The following KHDRBS3 variants were observed in gnomAD, a reference collection of about 807,000 sequenced individuals.
The protein encoded by KHDRBS3 is KH domain-containing, RNA-binding, signal transduction-associated protein 3.
A neutral mutation model predicts 45.6 loss-of-function variants in KHDRBS3; 23 were observed. The observed-to-expected ratio is 0.50, with a 90% CI of 0.36 to 0.72. KHDRBS3 has a LOEUF of 0.72. Among genes scored for constraint, KHDRBS3 ranks in the 30% least tolerant of loss-of-function variants. The pLI is 0.00. For synonymous variants in KHDRBS3, 162 were observed against 156.5 expected, an observed-to-expected ratio of 1.04 and a Z score of -0.26; for missense variants, 352 against 424.8, an observed-to-expected ratio of 0.83 and a Z score of 1.51.
At chr8:135,518,300 A>G (rs909522750) in intron 1 of KHDRBS3, among the ~76,000 whole-genome samples, 2 of 151,962 alleles carry the variant, frequency 1.3e-5, no homozygotes, top group Non-Finnish European at 2.9e-5. Flanking sequence ...CAGCCTCCCC[A>G]GTAGCTGGAC....
chr8:135,553,788 A>C (rs778849185), intron 4 of KHDRBS3, among the ~76,000 whole-genome samples: 1 of 152,198 alleles, frequency 6.6e-6, no homozygotes, highest in South Asian at 2.1e-4. Flanking sequence ...TCCTGCTTAC[A>C]CATATTTACT....
chr8:135,655,278 C>T (rs1395523112), intron 4 of KHDRBS3, among the ~76,000 whole-genome samples: 6 of 152,166 alleles, frequency 3.9e-5, no homozygotes, highest in African/African-American at 7.2e-5. Context: ...GTGTCCCTGG[C>T]ACTCTGCAGC....
At chr8:135,646,872 C>T in intron 8 of KHDRBS3, 121 bp from the exon 9 acceptor site, 4 of 578,302 alleles carry the variant, frequency 6.9e-6, no homozygotes, top group Admixed American at 2.9e-5. Context: ...TTCAGTACAC[C>T]AGGGGTATAT....
chr8:135,463,375 A>G (rs1358445993), intron 1 of KHDRBS3, among the ~76,000 whole-genome samples: 1 of 152,128 alleles, frequency 6.6e-6, no homozygotes, highest in African/African-American at 2.4e-5. Flanking sequence ...GGATGAAGTC[A>G]ACAGTTCTGC....
chr8:135,595,433 A>G (rs1464320139), intron 6 of KHDRBS3, among the ~76,000 whole-genome samples: 1 of 152,226 alleles, frequency 6.6e-6, no homozygotes, highest in Admixed American at 6.5e-5. Flanking sequence ...TGATTAGACT[A>G]AATAGACCAG....
chr8:135,639,209 G>A (rs1341029945), intron 7 of KHDRBS3, among the ~76,000 whole-genome samples: 3 of 152,180 alleles, frequency 2.0e-5, no homozygotes, highest in Non-Finnish European at 2.9e-5. Flanking sequence ...TGGTGATTGC[G>A]ATGAAGTTGA....
intron 4 of KHDRBS3, among the ~76,000 whole-genome samples, chr8:135,653,032 G>GT (rs1464963554): frequency 1.3e-5 from 2 of 152,288 alleles, no homozygotes; most frequent in African/African-American, 4.8e-5. Context: ...TGTCCTGTGT[G>GT]TTTATCTCAT....
intron 1 of KHDRBS3, among the ~76,000 whole-genome samples, chr8:135,493,615 T>C (rs1823268694): frequency 6.6e-6 from 1 of 152,192 alleles, no homozygotes; most frequent in African/African-American, 2.4e-5. Context: ...GTTAAGCCAG[T>C]CATCTACTTG....
intron 4 of KHDRBS3, among the ~76,000 whole-genome samples, chr8:135,554,006 T>G (rs1826749453): frequency 6.6e-6 from 1 of 152,206 alleles, no homozygotes; most frequent in Admixed American, 6.5e-5. Context: ...CTATAATGGT[T>G]ATATCAACAG....
At chr8:135,598,352 G>C (rs1221931035) in intron 6 of KHDRBS3, among the ~76,000 whole-genome samples, 1 of 152,044 alleles carries the variant, frequency 6.6e-6, no homozygotes, top group African/African-American at 2.4e-5. Flanking sequence ...ACAACCACTG[G>C]TAACAACCAG....
intron 7 of KHDRBS3, among the ~76,000 whole-genome samples, chr8:135,610,813 G>T (rs1364727508): frequency 6.6e-6 from 1 of 151,790 alleles, no homozygotes; most frequent in African/African-American, 2.4e-5. Context: ...ACACATAATT[G>T]TGTAGGGCTG....
chr8:135,482,364 G>T (rs10090665), intron 1 of KHDRBS3, among the ~76,000 whole-genome samples: 19,304 of 91,208 alleles, frequency 0.21, 2,566 homozygotes, highest in African/African-American at 0.47. Flanking sequence ...TCCCAGTGTT[G>T]CCCTGGGAAA....
At chr8:135,508,499 C>G (rs1169001781) in intron 1 of KHDRBS3, among the ~76,000 whole-genome samples, 2 of 152,108 alleles carry the variant, frequency 1.3e-5, no homozygotes, top group Admixed American at 1.3e-4. Context: ...TAATTGGTGA[C>G]CTCTGGAGCC....
chr8:135,477,415 T>A (rs1822346593), intron 1 of KHDRBS3, among the ~76,000 whole-genome samples: 1 of 152,166 alleles, frequency 6.6e-6, no homozygotes, highest in Non-Finnish European at 1.5e-5. Flanking sequence ...CATAAAATAT[T>A]GGAAAAATGT....
intron 6 of KHDRBS3, among the ~76,000 whole-genome samples, chr8:135,589,829 C>T (rs915116252): frequency 6.6e-6 from 1 of 152,198 alleles, no homozygotes; most frequent in African/African-American, 2.4e-5. Context: ...TTTGTCAACG[C>T]CAACTAATTC....
At chr8:135,507,500 C>CA (rs1422353674) in intron 1 of KHDRBS3, among the ~76,000 whole-genome samples, 1 of 152,026 alleles carries the variant, frequency 6.6e-6, no homozygotes, top group African/African-American at 2.4e-5. Flanking sequence ...GGTCGAAGGA[C>CA]AAAATGAAAA....
chr8:135,459,024 A>T, intron 1 of KHDRBS3: 2 of 454,168 alleles, frequency 4.4e-6, no homozygotes, highest in East Asian at 7.0e-5. Context: ...AAATGGCAGC[A>T]ACATGATCTG....
At chr8:135,566,030 A>G (rs763023681) in intron 5 of KHDRBS3, among the ~76,000 whole-genome samples, 3 of 152,216 alleles carry the variant, frequency 2.0e-5, no homozygotes, top group Non-Finnish European at 4.4e-5. Context: ...GAGAAAACAC[A>G]TGTGCCAGAA....
chr8:135,542,911 T>C (rs1297638663), intron 3 of KHDRBS3, 141 bp downstream of exon 3: 11 of 584,680 alleles, frequency 1.9e-5, no homozygotes, highest in Non-Finnish European at 3.0e-6. Flanking sequence ...TCTGGTCAGC[T>C]TCAGAATATG....
Sources: allele counts gnomAD v4.1 joint callset (sites outside exome capture counted in the v4.1 genomes callset), GRCh38; gene constraint gnomAD v4.1.1; transcripts MANE v1.5; gene names NCBI Gene and HGNC (gene_info 2026-07-23, HGNC 2026-07-21).